Variants in EXOC6 observed in about 807,000 individuals in gnomAD.
The protein encoded by EXOC6 is exocyst complex component 6.
Under a neutral mutation model 112.5 loss-of-function variants are expected in EXOC6, and 60 were observed. The observed-to-expected ratio is 0.53, with a 90% CI of 0.43 to 0.66. EXOC6 has a LOEUF of 0.66. Among genes scored for constraint, EXOC6 ranks in the 30% least tolerant of loss-of-function variants. The pLI is 0.00. For synonymous variants in EXOC6, 295 were observed against 308.0 expected, an observed-to-expected ratio of 0.96 and a Z score of 0.44; for missense variants, 855 against 957.1, an observed-to-expected ratio of 0.89 and a Z score of 1.41.
intron 20 of EXOC6, among the ~76,000 whole-genome samples, chr10:93,028,133 G>A (rs973762668): frequency 2.0e-5 from 3 of 151,944 alleles, no homozygotes; most frequent in Non-Finnish European, 4.4e-5. Context: ...GCTGTCATAT[G>A]TTATTTTTTT....
At chr10:93,050,901 CAAAT>C (rs1846259114) in intron 20 of EXOC6, among the ~76,000 whole-genome samples, 7 of 150,226 alleles carry the variant, frequency 4.7e-5, no homozygotes, top group Admixed American at 4.6e-4. Flanking sequence ...ACACAAAAAA[CAAAT>C]AAGTAAGGAG....
At chr10:93,003,553 T>C (rs1270210580) in intron 19 of EXOC6, among the ~76,000 whole-genome samples, 5 of 152,332 alleles carry the variant, frequency 3.3e-5, no homozygotes, top group Non-Finnish European at 5.9e-5. Context: ...ACAGAACTTT[T>C]TCCCATGTTA....
At chr10:92,915,669 G>A (rs530482724) in intron 6 of EXOC6, 89 bp from the exon 7 acceptor site, 5 of 860,692 alleles carry the variant, frequency 5.8e-6, no homozygotes, top group African/African-American at 2.0e-5. Context: ...ACATTAAAAA[G>A]ATAAAAAAAA....
chr10:92,908,057 C>CTT (rs10632745), intron 5 of EXOC6, among the ~76,000 whole-genome samples: 33,902 of 100,512 alleles, frequency 0.34, 7,170 homozygotes, highest in East Asian at 0.83. Flanking sequence ...AATATAATGT[C>CTT]TTTTTTTTTT....
chr10:92,899,542 G>A (rs1272557314), intron 4 of EXOC6, 57 bp from the exon 5 acceptor site: 1 of 1,195,482 alleles, frequency 8.4e-7, no homozygotes, highest in Non-Finnish European at 1.2e-6. Context: ...TTATTTTCAT[G>A]TCTCAAAATA....
intron 20 of EXOC6, among the ~76,000 whole-genome samples, chr10:93,040,902 C>A (rs1221829338): frequency 6.6e-6 from 1 of 152,142 alleles, no homozygotes; most frequent in Non-Finnish European, 1.5e-5. Context: ...TTGGTTTCCC[C>A]AAGGTTTCTG....
chr10:92,930,484 C>T (rs562872086), intron 9 of EXOC6, among the ~76,000 whole-genome samples: 23 of 149,874 alleles, frequency 1.5e-4, no homozygotes, highest in Admixed American at 4.0e-4. Flanking sequence ...GCCTGGGTGA[C>T]AAGAGTGAGA....
At chr10:92,832,674 A>G (rs1846525000), upstream of EXOC6, among the ~76,000 whole-genome samples, 1 of 148,232 alleles carries the variant, frequency 6.7e-6, no homozygotes, top group African/African-American at 2.5e-5. Flanking sequence ...ATAAGTTTAA[A>G]ACCTTGCACA....
chr10:93,051,814 G>A (rs1395054344), intron 20 of EXOC6, among the ~76,000 whole-genome samples: 1 of 152,136 alleles, frequency 6.6e-6, no homozygotes, highest in Non-Finnish European at 1.5e-5. Flanking sequence ...GACTTTTGTT[G>A]TTTAAATCTC....
chr10:92,866,102 A>T (rs1396673470), intron 1 of EXOC6, among the ~76,000 whole-genome samples: 8 of 149,288 alleles, frequency 5.4e-5, no homozygotes, highest in African/African-American at 2.0e-4. Context: ...AAGTGTACTC[A>T]ATTTTCTTGA....
intron 8 of EXOC6, among the ~76,000 whole-genome samples, chr10:92,920,561 A>G (rs971058437): frequency 6.6e-5 from 10 of 152,188 alleles, no homozygotes; most frequent in African/African-American, 2.2e-4. Context: ...AAAAATGTGT[A>G]TCTGGCTGTT....
chr10:92,839,905 A>G (rs1846783119), intron 1 of EXOC6, among the ~76,000 whole-genome samples: 1 of 152,106 alleles, frequency 6.6e-6, no homozygotes, highest in African/African-American at 2.4e-5. Context: ...AATAGGAGGA[A>G]AAGGGAATTG....
At chr10:92,986,425 C>T (rs1843011624) in intron 18 of EXOC6, among the ~76,000 whole-genome samples, 1 of 151,944 alleles carries the variant, frequency 6.6e-6, no homozygotes, top group Non-Finnish European at 1.5e-5. Flanking sequence ...GTCTGGTTAA[C>T]ACAACTGCTG....
chr10:92,935,307 A>G (rs1258127320), intron 11 of EXOC6, among the ~76,000 whole-genome samples: 2 of 151,998 alleles, frequency 1.3e-5, no homozygotes, highest in Admixed American at 1.3e-4. Flanking sequence ...TAATTCCATG[A>G]TACCAAATAT....
chr10:92,903,683 T>C (rs982800650), intron 5 of EXOC6, among the ~76,000 whole-genome samples: 15 of 152,028 alleles, frequency 9.9e-5, no homozygotes, highest in African/African-American at 3.6e-4. Flanking sequence ...TACAGAAATA[T>C]TAAACACAAA....
At chr10:93,011,207 G>GTT (rs202058204) in intron 19 of EXOC6, among the ~76,000 whole-genome samples, 4 of 141,958 alleles carry the variant, frequency 2.8e-5, no homozygotes, top group African/African-American at 1.0e-4. Flanking sequence ...GGGATTTATG[G>GTT]TTTTTTTTTG....
chr10:92,909,283 G>A (rs1271857846), intron 5 of EXOC6, 144 bp from the exon 6 acceptor site: 2 of 569,240 alleles, frequency 3.5e-6, no homozygotes, highest in African/African-American at 1.9e-5. Context: ...TTGACAAATA[G>A]ATGTAAATAT....
chr10:92,838,177 G>A (rs1846723520), intron 1 of EXOC6, among the ~76,000 whole-genome samples: 1 of 152,194 alleles, frequency 6.6e-6, no homozygotes, highest in East Asian at 1.9e-4. Flanking sequence ...AAACCTTCCC[G>A]CATACTCATT....
intron 7 of EXOC6, among the ~76,000 whole-genome samples, chr10:92,917,939 C>A (rs1041594519): frequency 6.6e-6 from 1 of 152,098 alleles, no homozygotes; most frequent in Non-Finnish European, 1.5e-5. Context: ...ATTGTTTGGG[C>A]CAGGAGTTTG....
Sources: allele counts gnomAD v4.1 joint callset (sites outside exome capture counted in the v4.1 genomes callset), GRCh38; gene constraint gnomAD v4.1.1; transcripts MANE v1.5; gene names NCBI Gene and HGNC (gene_info 2026-07-23, HGNC 2026-07-21).